Variants in TBCD observed in about 807,000 individuals in gnomAD.
TBCD encodes the protein tubulin folding cofactor D, also known as tubulin-specific chaperone D.
A neutral mutation model predicts 169.3 loss-of-function variants in TBCD; 105 were observed. That is an observed-to-expected ratio of 0.62 (90% CI 0.53 to 0.73). The LOEUF is 0.73. TBCD is among the 30% of genes least tolerant of loss of function. The pLI is 0.00. For missense variants in TBCD, 1,444 were observed against 1,600.1 expected (o/e 0.90, Z 1.66); for synonymous variants, 700 against 643.9 (o/e 1.09, Z -1.32).
At chr17:82,775,153 A>C (rs2048511035) in intron 6 of TBCD, among the ~76,000 whole-genome samples, 2 of 152,120 alleles carry the variant, frequency 1.3e-5, no homozygotes, top group Admixed American at 1.3e-4. Context: ...CCGCAGCGCC[A>C]CCTAGTGCCG....
chr17:82,761,009 G>A (rs1489007642), intron 2 of TBCD, among the ~76,000 whole-genome samples: 1 of 151,994 alleles, frequency 6.6e-6, no homozygotes, highest in Non-Finnish European at 1.5e-5. Context: ...ACCCAGGCTG[G>A]AGTGTAATGG....
intron 2 of TBCD, among the ~76,000 whole-genome samples, chr17:82,757,142 G>A (rs1481517696): frequency 6.6e-6 from 1 of 152,212 alleles, no homozygotes; most frequent in East Asian, 1.9e-4. Context: ...CTGGGTGGGG[G>A]CACCCTGGCT....
chr17:82,792,977 G>C (rs773620757), intron 7 of TBCD, among the ~76,000 whole-genome samples: 16 of 151,970 alleles, frequency 1.1e-4, no homozygotes, highest in Non-Finnish European at 2.1e-4. Context: ...TGTCCGGGCT[G>C]GTCTGGGACT....
At chr17:82,856,925 CGGT>C in intron 13 of TBCD, among the ~76,000 whole-genome samples, 2 of 138,116 alleles carry the variant, frequency 1.4e-5, no homozygotes, top group East Asian at 2.1e-4. Context: ...TGCGGACCCT[CGGT>C]GCGCATCCAG....
chr17:82,831,183 G>A lies in TBCD; in HGVS notation c.1318+16249G>A. Reference sequence around the variant, plus strand: ...GGTCGTACAGGCCTTCGCAGGTCTGGCTCGTCTGCATGAAGTCGGTGGGGC... The same window carrying A: ...GGTCGTACAGGCCTTCGCAGGTCTGACTCGTCTGCATGAAGTCGGTGGGGC... On this transcript the variant is annotated intron_variant, in intron 13 of 38. Coordinates refer to ENST00000355528, the MANE Select transcript of TBCD (RefSeq NM_005993.5). The surrounding 1 kb of genome is among the most constrained non-coding windows in gnomAD (Gnocchi z 4.6). The A allele has an allele frequency of 6.2e-7, 1 of 1,614,142 alleles. No homozygotes were observed. Among genetic ancestry groups the A allele is most frequent in the South Asian group, 1.1e-5 (1 of 91,076 alleles).
Position 82,832,237 on chromosome 17 carries a change from G to C in TBCD, c.1318+17303G>C, listed in dbSNP as rs541943193. On this transcript the variant is annotated intron_variant, in intron 13 of 38. Transcript: ENST00000355528. The surrounding 1 kb of genome is among the most constrained non-coding windows in gnomAD (Gnocchi z 4.9). ...GGCATCGGGCTGGTTGGTTTGCTTG[G>C]GGTCTAGTGAGTTAGATTTAGGGCA... 17 of 1,614,228 alleles carry C rather than the reference G, an allele frequency of 1.1e-5. No homozygotes were observed. The Admixed American group carries it at 2.7e-4, about 25-fold the overall frequency.
chr17:82,838,257 G>T (rs1490724501), intron 13 of TBCD, among the ~76,000 whole-genome samples: 1 of 152,070 alleles, frequency 6.6e-6, no homozygotes, highest in Non-Finnish European at 1.5e-5. Flanking sequence ...AGTTGTTAGG[G>T]TAATAGTGAG....
intron 33 of TBCD, 89 bp from the exon 34 acceptor site, chr17:82,932,569 C>A: frequency 9.6e-7 from 1 of 1,041,980 alleles, no homozygotes; most frequent in Non-Finnish European, 1.5e-6. Flanking sequence ...TGTCGCTTTC[C>A]ACTGGGATCC....
chr17:82,929,631 G>A (rs775581858), intron 32 of TBCD, 131 bp downstream of exon 32: 1 of 1,318,968 alleles, frequency 7.6e-7, no homozygotes, highest in South Asian at 1.3e-5. Flanking sequence ...GGCATATTTG[G>A]TTAGGGGGTC....
chr17:82,819,974 C>CTT (rs375685441), intron 13 of TBCD, among the ~76,000 whole-genome samples: 27 of 142,884 alleles, frequency 1.9e-4, no homozygotes, highest in African/African-American at 4.9e-4. Context: ...TTAAGTTTAC[C>CTT]TTTTTTTTTT....
intron 13 of TBCD, among the ~76,000 whole-genome samples, chr17:82,861,845 T>C (rs1020652550): frequency 2.6e-5 from 4 of 152,322 alleles, no homozygotes; most frequent in Admixed American, 1.3e-4. Context: ...TTTTAGAAAG[T>C]AAGGTGCTTT....
intron 13 of TBCD, among the ~76,000 whole-genome samples, chr17:82,843,378 T>G (rs1243922811): frequency 8.4e-6 from 1 of 118,378 alleles, no homozygotes; most frequent in African/African-American, 3.4e-5. Context: ...TCCAGCTTAC[T>G]TATCATTCCC....
chr17:82,866,649 G>A (rs950037634), intron 13 of TBCD, among the ~76,000 whole-genome samples: 1 of 152,236 alleles, frequency 6.6e-6, no homozygotes, highest in African/African-American at 2.4e-5. Context: ...GAAGGAGGCT[G>A]GCTGGGCCCT....
chr17:82,781,948 C>T (rs907253337), intron 7 of TBCD, among the ~76,000 whole-genome samples: 9 of 152,214 alleles, frequency 5.9e-5, no homozygotes, highest in Admixed American at 5.2e-4. Context: ...GGAGCCCCAC[C>T]TGTTGCCAGC....
At chr17:82,813,357 C>G (rs1002393852) in intron 12 of TBCD, among the ~76,000 whole-genome samples, 7 of 152,088 alleles carry the variant, frequency 4.6e-5, no homozygotes, top group Admixed American at 6.6e-5. Flanking sequence ...TCTGAGACCC[C>G]CCCTGTGCTT....
At chr17:82,852,044 C>T (rs535644279) in intron 13 of TBCD, among the ~76,000 whole-genome samples, 2 of 152,178 alleles carry the variant, frequency 1.3e-5, no homozygotes, top group Non-Finnish European at 2.9e-5. Flanking sequence ...GTGTACAGTT[C>T]AGTGGCTTGT....
chr17:82,840,953 G>GTTTTTTTTTTTTTT lies in TBCD; in HGVS notation c.1318+26019_1318+26020insTTTTTTTTTTTTTT, dbSNP rs755302623. On this transcript the variant is annotated intron_variant, in intron 13 of 38. Coordinates refer to ENST00000355528, the MANE Select transcript of TBCD (RefSeq NM_005993.5). ...ACGAGCTGGCCAGGACAGACAAACTGGTTTTTTTTTTTTTTTTTTTTTTTT... is the reference window on the plus strand; with the variant it reads ...ACGAGCTGGCCAGGACAGACAAACTGTTTTTTTTTTTTTTGTTTTTTTTTTTTTTTTTTTTTTTT... 8.6e-4 allele frequency among the ~76,000 whole-genome samples: 61 copies of GTTTTTTTTTTTTTT among 70,554 alleles called. 28 individuals are homozygous for GTTTTTTTTTTTTTT. Among genetic ancestry groups the GTTTTTTTTTTTTTT allele is most frequent in the African/African-American group, 2.8e-3 (51 of 17,982 alleles). 46.3% of individuals were successfully genotyped at this position (70,554 alleles called of 152,430 possible). A position where few individuals can be genotyped will look rare whatever the true frequency, so the allele number is the denominator to read the frequency against.
chr17:82,889,532 T>A lies in TBCD; in HGVS notation c.1534-136T>A, dbSNP rs558691037. The A allele has an allele frequency of 6.0e-5, 61 of 1,017,902 alleles. No individual in the cohort carries two copies. Among genetic ancestry groups the A allele is most frequent in the Admixed American group, 9.5e-5 (4 of 42,030 alleles). 63.1% of individuals were successfully genotyped at this position (1,017,902 alleles called of 1,614,324 possible). On this transcript the variant is annotated intron_variant, in intron 15 of 38. Transcript: ENST00000355528. The surrounding 1 kb of genome is among the most constrained non-coding windows in gnomAD (Gnocchi z 5.3). ...AGAGTGACGCACCTTGAGGCTCTGTTCAGCCAACAATGAGGGCTTTTATTT... is the reference window on the plus strand; with the variant it reads ...AGAGTGACGCACCTTGAGGCTCTGTACAGCCAACAATGAGGGCTTTTATTT...
At chr17:82,865,477 TG>T in intron 13 of TBCD, 1 of 985,464 alleles carries the variant, frequency 1.0e-6, no homozygotes, top group Non-Finnish European at 1.2e-6. Flanking sequence ...CTGGGCTATG[TG>T]GGAGGTGCCC....
Sources: allele counts gnomAD v4.1 joint callset (sites outside exome capture counted in the v4.1 genomes callset), GRCh38; gene constraint gnomAD v4.1.1; non-coding constraint Gnocchi (gnomAD v3.1); transcripts MANE v1.5; gene names NCBI Gene and HGNC (gene_info 2026-07-23, HGNC 2026-07-21).